Variants in ITGA8 observed in about 807,000 individuals in gnomAD.
ITGA8 encodes the protein integrin subunit alpha 8, also known as integrin alpha-8.
Under a neutral mutation model 142.3 loss-of-function variants are expected in ITGA8, and 91 were observed. That is an observed-to-expected ratio of 0.64 (90% CI 0.54 to 0.76). The LOEUF (loss-of-function observed/expected upper bound fraction) is 0.76, where lower values mean the gene tolerates loss of function less well. Among genes scored for constraint, ITGA8 ranks in the 30% least tolerant of loss-of-function variants. ITGA8 has a pLI of 0.00. For missense variants in ITGA8, 1,406 were observed against 1,327.7 expected (o/e 1.06, Z -0.92); for synonymous variants, 505 against 485.2 (o/e 1.04, Z -0.54).
At chr10:15,592,349 A>G (rs1832941591) in intron 21 of ITGA8, 45 bp from the exon 22 acceptor site, 3 of 1,401,462 alleles carry the variant, frequency 2.1e-6, no homozygotes, top group African/African-American at 2.8e-5. Flanking sequence ...TGTACACAAC[A>G]TAAAAATATT....
intron 2 of ITGA8, among the ~76,000 whole-genome samples, chr10:15,718,065 C>T (rs11253615): frequency 0.13 from 19,319 of 152,190 alleles, 1,610 homozygotes; most frequent in Middle Eastern, 0.21. Flanking sequence ...TTAAAGCATT[C>T]GGTGTTAATG....
intron 25 of ITGA8, among the ~76,000 whole-genome samples, chr10:15,558,780 G>A (rs1833927097): frequency 6.6e-6 from 1 of 152,190 alleles, no homozygotes; most frequent in African/African-American, 2.4e-5. Flanking sequence ...TGCTGCAGTG[G>A]AGTCTGTTTT....
Position 15,560,688 on chromosome 10 carries a change from A to G in ITGA8, c.2638-2486T>C, listed in dbSNP as rs531745624. Among the ~76,000 whole-genome samples the G allele has an allele frequency of 3.3e-5, 5 of 152,342 alleles. No individual in the cohort carries two copies. In the South Asian group the frequency reaches 1.0e-3, roughly 32 times the overall value. ...GGAATTTAGAAAGATACAAGATATT[A>G]GTAAGGGGAAAAGACAGGTTTACAA... On this transcript the variant is annotated intron_variant, in intron 25 of 29. Coordinates refer to ENST00000378076, the MANE Select transcript of ITGA8 (RefSeq NM_003638.3).
intron 13 of ITGA8, among the ~76,000 whole-genome samples, chr10:15,622,430 T>G (rs1833506369): frequency 6.6e-6 from 1 of 152,144 alleles, no homozygotes; most frequent in South Asian, 2.1e-4. Context: ...CACCAGGAAT[T>G]TCCAAACAAA....
At position 15,575,601 on chromosome 10, in the gene ITGA8, C is replaced by T; in HGVS notation, c.2373-7G>A. ...CTGCGGAGGGTGTGACACTCTGAAA[C>T]ATGAAATGTCCTGTTAATTGTTAGC... On this transcript the variant is annotated splice_region_variant and splice_polypyrimidine_tract_variant and intron_variant, in intron 23 of 29. Coordinates refer to ENST00000378076, the MANE Select transcript of ITGA8 (RefSeq NM_003638.3). 1 of 1,605,932 alleles carries T rather than the reference C, an allele frequency of 6.2e-7. No homozygotes were observed. Among genetic ancestry groups the T allele is most frequent in the Non-Finnish European group, 8.5e-7 (1 of 1,172,706 alleles).
At chr10:15,713,941 T>C (rs946206217) in intron 2 of ITGA8, among the ~76,000 whole-genome samples, 8 of 152,168 alleles carry the variant, frequency 5.3e-5, no homozygotes, top group African/African-American at 1.9e-4. Flanking sequence ...CAAATTCTAG[T>C]GGTCTTTCTC....
At chr10:15,608,677 A>G (rs1833241654) in intron 15 of ITGA8, among the ~76,000 whole-genome samples, 1 of 152,172 alleles carries the variant, frequency 6.6e-6, no homozygotes. Flanking sequence ...GTGAGTAAGA[A>G]TCTGGACCCA....
rs1316567596 is a variant in ITGA8, at chr10:15,592,811, T to C, written c.2212-507A>G. ...GTAGAGACAGAGTCTAGTCTGGTCT[T>C]GAACTCCTGATTTCACGCAATTCTC... On this transcript the variant is annotated intron_variant, in intron 21 of 29. Transcript: ENST00000378076. 6.6e-5 allele frequency among the ~76,000 whole-genome samples: 10 copies of C among 152,224 alleles called. No homozygotes were observed. In the East Asian group the frequency reaches 1.9e-3, roughly 29 times the overall value.
intron 28 of ITGA8, among the ~76,000 whole-genome samples, chr10:15,526,930 G>T (rs536737060): frequency 6.6e-6 from 1 of 152,120 alleles, no homozygotes; most frequent in East Asian, 1.9e-4. Context: ...ATTTTATTGT[G>T]GACATTTATG....
At chr10:15,648,188 C>T (rs558916040) in intron 11 of ITGA8, among the ~76,000 whole-genome samples, 1 of 152,164 alleles carries the variant, frequency 6.6e-6, no homozygotes, top group Admixed American at 6.5e-5. Flanking sequence ...GTCACACCAA[C>T]CAAAAATATA....
intron 23 of ITGA8, among the ~76,000 whole-genome samples, chr10:15,581,880 A>C (rs1193891899): frequency 6.6e-6 from 1 of 152,226 alleles, no homozygotes; most frequent in Non-Finnish European, 1.5e-5. Context: ...GATTTTCAAC[A>C]AAGGTGCCAA....
At chr10:15,568,586 C>G (rs1311941298) in intron 25 of ITGA8, among the ~76,000 whole-genome samples, 1 of 152,188 alleles carries the variant, frequency 6.6e-6, no homozygotes, top group Non-Finnish European at 1.5e-5. Flanking sequence ...ATTTGGAGTG[C>G]ATATCCAGGT....
intron 27 of ITGA8, among the ~76,000 whole-genome samples, chr10:15,535,888 ACACT>A (rs1833423477): frequency 6.6e-6 from 1 of 152,086 alleles, no homozygotes; most frequent in African/African-American, 2.4e-5. Context: ...ATGAGCTGTA[ACACT>A]CACCTCGAAG....
intron 2 of ITGA8, among the ~76,000 whole-genome samples, chr10:15,704,421 A>G (rs565397969): frequency 1.3e-5 from 2 of 152,242 alleles, no homozygotes; most frequent in African/African-American, 4.8e-5. Context: ...TGTTTCTCAA[A>G]TCTCAACTTT....
intron 13 of ITGA8, among the ~76,000 whole-genome samples, chr10:15,622,034 T>A (rs1159587611): frequency 6.6e-6 from 1 of 152,166 alleles, no homozygotes; most frequent in African/African-American, 2.4e-5. Context: ...GGTGCATGCC[T>A]GTAATCCCAG....
At chr10:15,633,563 G>A (rs1243622634) in intron 13 of ITGA8, among the ~76,000 whole-genome samples, 2 of 152,044 alleles carry the variant, frequency 1.3e-5, no homozygotes, top group Non-Finnish European at 2.9e-5. Context: ...GGGATGACAG[G>A]TGCGCACCTC....
intron 2 of ITGA8, among the ~76,000 whole-genome samples, chr10:15,707,960 C>T (rs941826264): frequency 5.2e-4 from 39 of 75,476 alleles, no homozygotes; most frequent in Middle Eastern, 0.014. Flanking sequence ...GTGCACACAC[C>T]GACACACACA....
intron 28 of ITGA8, among the ~76,000 whole-genome samples, chr10:15,528,506 CTTTTTTTTT>C (rs35960573): frequency 7.9e-6 from 1 of 127,244 alleles, no homozygotes; most frequent in African/African-American, 3.0e-5. Flanking sequence ...GATAAAAAGT[CTTTTTTTTT>C]TTTTTTTTTG....
At chr10:15,568,671 T>C (rs916505969) in intron 25 of ITGA8, among the ~76,000 whole-genome samples, 1 of 152,206 alleles carries the variant, frequency 6.6e-6, no homozygotes, top group Non-Finnish European at 1.5e-5. Flanking sequence ...TTAGAAATGA[T>C]GTTTTAAATG....
Sources: gnomAD v4.1 joint callset for allele counts (sites outside exome capture counted in the v4.1 genomes callset) on GRCh38, gnomAD v4.1.1 for gene constraint, MANE v1.5 for transcripts, NCBI Gene and HGNC (gene_info 2026-07-23, HGNC 2026-07-21) for gene names.